PTPRZ1: variants seen among roughly 807,000 people sequenced by gnomAD.
The protein encoded by PTPRZ1 is receptor-type tyrosine-protein phosphatase zeta.
In PTPRZ1, 82 loss-of-function variants were observed where a neutral mutation model predicts 214.1. The ratio of observed to expected loss-of-function variants is 0.38; its 90% CI spans 0.32 to 0.46. The LOEUF is 0.46. Among genes scored for constraint, PTPRZ1 ranks in the 20% least tolerant of loss-of-function variants. The probability of loss-of-function intolerance (pLI) is 1.00; values close to 1 mark genes in which losing one functional copy is unlikely to be tolerated. For synonymous variants in PTPRZ1, 945 were observed against 987.9 expected (o/e 0.96, Z 0.81); for missense variants, 2,603 against 2,748.7 (o/e 0.95, Z 1.19).
chr7:122,045,845 A>G (rs896552825), intron 23 of PTPRZ1, among the ~76,000 whole-genome samples: 2 of 152,154 alleles, frequency 1.3e-5, no homozygotes, highest in African/African-American at 4.8e-5. Context: ...TCAGAATTCA[A>G]TTGAAAAGAG....
At chr7:122,060,852 T>C (rs1792550308) in intron 29 of PTPRZ1, among the ~76,000 whole-genome samples, 1 of 152,194 alleles carries the variant, frequency 6.6e-6, no homozygotes. Context: ...TTGGCAAATG[T>C]ATGTAGGTTA....
At chr7:121,925,634 T>G (rs1326303263) in intron 1 of PTPRZ1, among the ~76,000 whole-genome samples, 2 of 152,026 alleles carry the variant, frequency 1.3e-5, no homozygotes, top group Admixed American at 6.5e-5. Flanking sequence ...CTGGGTCAGG[T>G]TTTTAAGTGC....
intron 1 of PTPRZ1, among the ~76,000 whole-genome samples, chr7:121,909,894 G>C (rs566497048): frequency 6.6e-6 from 1 of 152,258 alleles, no homozygotes; most frequent in East Asian, 1.9e-4. Flanking sequence ...AAATGAAGCA[G>C]GGTACAGCTG....
At chr7:122,035,147 C>T (rs1799498334) in intron 17 of PTPRZ1, among the ~76,000 whole-genome samples, 1 of 152,118 alleles carries the variant, frequency 6.6e-6, no homozygotes, top group South Asian at 2.1e-4. Context: ...GTGGCCCTTC[C>T]TGGCTTCATA....
intron 1 of PTPRZ1, among the ~76,000 whole-genome samples, chr7:121,917,984 T>C (rs1268789748): frequency 6.6e-6 from 1 of 152,086 alleles, no homozygotes; most frequent in Non-Finnish European, 1.5e-5. Context: ...ATTGAAAAAT[T>C]ATCAATTTAT....
At chr7:122,008,004 G>A (rs1798544088) in intron 11 of PTPRZ1, among the ~76,000 whole-genome samples, 2 of 152,176 alleles carry the variant, frequency 1.3e-5, no homozygotes, top group Admixed American at 1.3e-4. Context: ...GTTCTGAGAG[G>A]TTCTGAACCT....
At position 121,928,127 on chromosome 7, in the gene PTPRZ1, A is replaced by G. The variant is rs1355168159; in HGVS notation, c.59-29A>G. On this transcript the variant is annotated intron_variant, in intron 1 of 29. Coordinates refer to ENST00000393386, the MANE Select transcript of PTPRZ1 (RefSeq NM_002851.3). ...TTTTTGGACATATATTTTTCTACAT[A>G]CTGATTACTTGGTTTTTCTTTTTTA... 3 of 1,521,458 alleles carry G rather than the reference A, an allele frequency of 2.0e-6. No homozygotes were observed. In the South Asian group the frequency reaches 3.5e-5, roughly 18 times the overall value. The allele number at this position is 1,521,458 out of a possible 1,614,324, so 94.2% of individuals were successfully genotyped here.
intron 1 of PTPRZ1, among the ~76,000 whole-genome samples, chr7:121,903,425 G>C (rs1795027476): frequency 1.3e-5 from 2 of 152,066 alleles, no homozygotes; most frequent in Non-Finnish European, 2.9e-5. Context: ...TTCTACTGTT[G>C]GTAAAGCACT....
At chr7:121,880,017 C>G (rs1240640955) in intron 1 of PTPRZ1, among the ~76,000 whole-genome samples, 1 of 152,116 alleles carries the variant, frequency 6.6e-6, no homozygotes, top group African/African-American at 2.4e-5. Context: ...TATTTGAAAC[C>G]ATTAGTTAAA....
In PTPRZ1 at chr7:121,983,795, A is replaced by G; in HGVS notation, c.750A>G (p.Lys250=). 1 of 1,612,986 alleles carries G rather than the reference A, an allele frequency of 6.2e-7. No individual in the cohort carries two copies. The highest frequency in any genetic ancestry group is 8.5e-7 in the Non-Finnish European group (1 of 1,179,806). The part of the protein sequence containing the change: ...CTDTVDWIVF[K]DTVSISESQL... ...ACACAGTTGACTGGATTGTTTTTAA[A>G]GATACAGTTAGCATCTCTGAAAGCC... The change falls in exon 7 of 30, where the codon AAA becomes AAG. Residue 250 remains lysine, a synonymous_variant. Transcript: ENST00000393386.
intron 6 of PTPRZ1, among the ~76,000 whole-genome samples, chr7:121,981,229 C>G (rs1001116919): frequency 2.6e-5 from 4 of 152,168 alleles, no homozygotes; most frequent in African/African-American, 7.2e-5. Flanking sequence ...TACTACCCTG[C>G]ATGTTTGCAT....
intron 1 of PTPRZ1, among the ~76,000 whole-genome samples, chr7:121,877,919 T>C (rs1243909947): frequency 6.6e-6 from 1 of 151,390 alleles, no homozygotes; most frequent in Non-Finnish European, 1.5e-5. Context: ...TATACATATA[T>C]AAATGTATAT....
rs555700932 is a variant in PTPRZ1, at chr7:121,998,706, C to T, written c.1240+700C>T. The stretch of plus-strand genomic sequence containing the variant: ...AGTTTACATAATTAAGTTAGTTTTC[C>T]TCTTGTTAGTGTAAGCAGTTTTAAA... On this transcript the variant is annotated intron_variant, in intron 10 of 29. Transcript: ENST00000393386. Among the ~76,000 whole-genome samples, 12 of 152,146 alleles carry T rather than the reference C, an allele frequency of 7.9e-5. No individual in the cohort carries two copies. The South Asian group carries it at 1.9e-3, about 24-fold the overall frequency.
At position 122,011,564 on chromosome 7, in the gene PTPRZ1, C is replaced by G. The variant is rs752446521; in HGVS notation, c.2518C>G (p.Gln840Glu). The part of the protein sequence containing the change: ...ELFRHLHTVS[Q>E]ILPQVTSATE... ...GTTTCGCCATCTGCATACAGTTTCTCAAATCCTTCCACAAGTTACTTCAGC... is the reference window on the plus strand; with the variant it reads ...GTTTCGCCATCTGCATACAGTTTCTGAAATCCTTCCACAAGTTACTTCAGC... The change falls in exon 12 of 30, where the codon CAA becomes GAA. Residue 840 changes from glutamine to glutamate, a missense_variant. This residue lies in a region of PTPRZ1 where 1,913 missense variants were observed against 1,914.3 expected (regional missense o/e 1.00). Transcript: ENST00000393386. 3 of 1,614,134 alleles carry G rather than the reference C, an allele frequency of 1.9e-6. No homozygotes were observed. Among genetic ancestry groups the G allele is most frequent in the Non-Finnish European group, 2.5e-6 (3 of 1,180,020 alleles).
chr7:121,922,844 C>T (rs1250135867), intron 1 of PTPRZ1, among the ~76,000 whole-genome samples: 1 of 152,178 alleles, frequency 6.6e-6, no homozygotes, highest in East Asian at 1.9e-4. Flanking sequence ...AAGCACACAT[C>T]CAACCCTTTC....
At position 122,010,602 on chromosome 7, in the gene PTPRZ1, C is replaced by T. The variant is rs1244009413; in HGVS notation, c.1556C>T (p.Thr519Ile). 4 of 1,613,678 alleles carry T rather than the reference C, an allele frequency of 2.5e-6. No homozygotes were observed. The highest frequency in any genetic ancestry group is 3.3e-5 in the Admixed American group (2 of 60,004). Residue 519 changes from threonine (T) to isoleucine (I), a missense_variant, in exon 12 of 30, where the codon ACT becomes ATT. Coordinates refer to ENST00000393386, the MANE Select transcript of PTPRZ1 (RefSeq NM_002851.3). The stretch of plus-strand genomic sequence containing the variant: ...GCCACAGAAAAAGATATTTCCTTGA[C>T]TTCTCAGACTGTGACTGAACTGCCA... ...KLATEKDISL[T>I]SQTVTELPPH...
At chr7:121,948,496 G>A (rs1263286932) in intron 2 of PTPRZ1, among the ~76,000 whole-genome samples, 1 of 152,078 alleles carries the variant, frequency 6.6e-6, no homozygotes, top group African/African-American at 2.4e-5. Context: ...TGATATGATA[G>A]ACAATAGCTT....
At chr7:121,950,572 C>T (rs1360480286) in intron 2 of PTPRZ1, among the ~76,000 whole-genome samples, 1 of 152,170 alleles carries the variant, frequency 6.6e-6, no homozygotes, top group Non-Finnish European at 1.5e-5. Context: ...GACTAGAAAG[C>T]GGGAGTAGCC....
rs1792580426 is a variant in PTPRZ1, at chr7:122,061,634, C to T, written c.*414C>T. 6.5e-6 allele frequency: 1 copy of T among 153,048 alleles called. No individual in the cohort carries two copies. The highest frequency in any genetic ancestry group is 1.5e-5 in the Non-Finnish European group (1 of 68,372). The allele number at this position is 153,048 out of a possible 1,614,324, so 9.5% of individuals were successfully genotyped here. On this transcript the variant is annotated 3_prime_UTR_variant, in exon 30 of 30. Transcript: ENST00000393386. ...TTAATACAGTAGCCTGTAAATAAAACACTCTTCCATATGATATTCAACATT... is the reference window on the plus strand; with the variant it reads ...TTAATACAGTAGCCTGTAAATAAAATACTCTTCCATATGATATTCAACATT...
Sources: gnomAD v4.1 joint callset for allele counts (sites outside exome capture counted in the v4.1 genomes callset) on GRCh38, gnomAD v4.1.1 for gene constraint, gnomAD v4.1.1 regional missense constraint, MANE v1.5 for transcripts, NCBI Gene and HGNC (gene_info 2026-07-23, HGNC 2026-07-21) for gene names.